ERC2: variants seen among roughly 807,000 people sequenced by gnomAD.
ERC2 encodes the protein ERC protein 2.
ERC2 carries 42 observed loss-of-function variants against 114.8 expected under a neutral mutation model. The observed-to-expected ratio is 0.37, with a 90% confidence interval of 0.29 to 0.47. ERC2 has a LOEUF of 0.47. ERC2 is among the 20% of genes least tolerant of loss of function. The pLI is 0.99. For missense variants in ERC2, 939 were observed against 1,150.7 expected (o/e 0.82, Z 2.66); for synonymous variants, 454 against 425.5 (o/e 1.07, Z -0.82).
At chr3:56,015,745 A>G (rs781695871) in intron 8 of ERC2, among the ~76,000 whole-genome samples, 3 of 152,170 alleles carry the variant, frequency 2.0e-5, no homozygotes, top group Non-Finnish European at 2.9e-5. Context: ...GCTGGGTCAA[A>G]TGGTATTTGT....
intron 17 of ERC2, among the ~76,000 whole-genome samples, chr3:55,526,941 C>T (rs1264876435): frequency 6.6e-6 from 1 of 152,240 alleles, no homozygotes; most frequent in Non-Finnish European, 1.5e-5. Flanking sequence ...GCTGATGGGT[C>T]TGCAGGCCAG....
chr3:56,383,530 C>T (rs968857437), intron 2 of ERC2, among the ~76,000 whole-genome samples: 2 of 152,226 alleles, frequency 1.3e-5, no homozygotes, highest in African/African-American at 4.8e-5. Flanking sequence ...ACATCTATCA[C>T]AGTGCCTGGC....
chr3:55,749,995 A>G (rs1385315271), intron 14 of ERC2, among the ~76,000 whole-genome samples: 2 of 152,216 alleles, frequency 1.3e-5, no homozygotes, highest in African/African-American at 2.4e-5. Context: ...TTTAAGGATG[A>G]CTGCATACCT....
intron 7 of ERC2, among the ~76,000 whole-genome samples, chr3:56,037,004 C>T (rs2074851481): frequency 6.6e-6 from 1 of 152,078 alleles, no homozygotes; most frequent in African/African-American, 2.4e-5. Flanking sequence ...ACGACAACGA[C>T]GTCAATAAAA....
At chr3:55,959,883 C>T (rs2068234908) in intron 12 of ERC2, among the ~76,000 whole-genome samples, 2 of 152,204 alleles carry the variant, frequency 1.3e-5, no homozygotes, top group Non-Finnish European at 2.9e-5. Context: ...AGATGCACTT[C>T]CAGGAGGGTT....
intron 6 of ERC2, 57 bp downstream of exon 6, chr3:56,139,452 G>T: frequency 1.3e-6 from 2 of 1,543,676 alleles, no homozygotes; most frequent in Non-Finnish European, 1.8e-6. Context: ...GTTCAGGTAG[G>T]GCAATTTCTA....
At chr3:55,855,102 C>T (rs572038781) in intron 14 of ERC2, among the ~76,000 whole-genome samples, 14 of 152,272 alleles carry the variant, frequency 9.2e-5, no homozygotes, top group Admixed American at 9.2e-4. Flanking sequence ...GAAAACAATT[C>T]CACTAAGGAA....
intron 17 of ERC2, among the ~76,000 whole-genome samples, chr3:55,666,555 C>T (rs2061363638): frequency 6.6e-6 from 1 of 152,166 alleles, no homozygotes; most frequent in South Asian, 2.1e-4. Flanking sequence ...AGCAGTGGTT[C>T]CCAACCAACC....
intron 3 of ERC2, among the ~76,000 whole-genome samples, chr3:56,247,798 T>G (rs896922430): frequency 3.9e-5 from 6 of 152,246 alleles, no homozygotes; most frequent in Admixed American, 3.9e-4. Flanking sequence ...TCAGCTCTTC[T>G]ACCAGCTCCT....
At chr3:56,315,653 G>A (rs1223298920) in intron 2 of ERC2, among the ~76,000 whole-genome samples, 1 of 151,826 alleles carries the variant, frequency 6.6e-6, no homozygotes, top group Non-Finnish European at 1.5e-5. Flanking sequence ...TTCTCCAAAA[G>A]TACAGTAAAA....
chr3:55,943,196 G>A (rs2066914575), intron 13 of ERC2, among the ~76,000 whole-genome samples: 1 of 152,202 alleles, frequency 6.6e-6, no homozygotes, highest in East Asian at 1.9e-4. Flanking sequence ...CTGTGTGTGA[G>A]TTATTACATA....
chr3:55,521,853 T>C (rs1340679570), intron 17 of ERC2, among the ~76,000 whole-genome samples: 1 of 152,216 alleles, frequency 6.6e-6, no homozygotes, highest in East Asian at 1.9e-4. Context: ...TGACACACGC[T>C]GGCCTGGGTC....
intron 17 of ERC2, among the ~76,000 whole-genome samples, chr3:55,654,296 C>G (rs2148687811): frequency 6.6e-6 from 1 of 152,352 alleles, no homozygotes; most frequent in East Asian, 1.9e-4. Context: ...TCTGTCCTAT[C>G]AGCAGGACAC....
At chr3:55,985,624 G>T (rs2070556553) in intron 12 of ERC2, among the ~76,000 whole-genome samples, 1 of 152,172 alleles carries the variant, frequency 6.6e-6, no homozygotes, top group African/African-American at 2.4e-5. Context: ...TCAGCATCCT[G>T]CATTATGTTT....
chr3:55,987,361 T>C (rs1465134912), intron 11 of ERC2, among the ~76,000 whole-genome samples: 3 of 152,194 alleles, frequency 2.0e-5, no homozygotes, highest in Non-Finnish European at 4.4e-5. Context: ...AGCACACATT[T>C]CAGATGTAGT....
intron 12 of ERC2, 119 bp downstream of exon 12, chr3:55,985,858 G>C (rs186172000): frequency 1.2e-6 from 1 of 850,254 alleles, no homozygotes; most frequent in Non-Finnish European, 1.9e-6. Context: ...TGAAATGAGC[G>C]GGGGGAAATG....
chr3:56,210,964 G>A (rs529930915), intron 3 of ERC2, among the ~76,000 whole-genome samples: 1 of 152,256 alleles, frequency 6.6e-6, no homozygotes, highest in South Asian at 2.1e-4. Context: ...TCACCACCAA[G>A]GGGGCAAAAG....
chr3:55,575,322 G>A (rs2056921453), intron 17 of ERC2, among the ~76,000 whole-genome samples: 1 of 152,034 alleles, frequency 6.6e-6, no homozygotes, highest in South Asian at 2.1e-4. Context: ...TCAGCCAGAA[G>A]GCCAGAGGTG....
chr3:55,960,630 G>A (rs1479436768), intron 12 of ERC2, among the ~76,000 whole-genome samples: 2 of 152,064 alleles, frequency 1.3e-5, no homozygotes, highest in Non-Finnish European at 2.9e-5. Flanking sequence ...AGACAAGCAG[G>A]AGTCCATCCC....
Sources: allele counts gnomAD v4.1 joint callset (sites outside exome capture counted in the v4.1 genomes callset), GRCh38; gene constraint gnomAD v4.1.1; transcripts MANE v1.5; gene names NCBI Gene and HGNC (gene_info 2026-07-23, HGNC 2026-07-21).